Variants in AFF2 observed in about 807,000 individuals in gnomAD.
AFF2 encodes the protein AF4/FMR2 family member 2.
Under a neutral mutation model 76.9 loss-of-function variants are expected in AFF2, and 14 were observed. The observed-to-expected ratio is 0.18, with a 90% CI of 0.12 to 0.28. AFF2 has a LOEUF of 0.28. Ranked by LOEUF, AFF2 falls within the 10% of genes least tolerant of loss-of-function variation. The pLI is 1.00. For missense variants in AFF2, 868 were observed against 1,001.1 expected (o/e 0.87, Z 1.79); for synonymous variants, 398 against 366.7 (o/e 1.09, Z -0.98).
intron 9 of AFF2, among the ~76,000 whole-genome samples, chrX:148,923,230 G>A (rs781956670): frequency 1.9e-5 from 2 of 105,218 alleles, no homozygotes; most frequent in South Asian, 4.2e-4. Context: ...TTATGCCCCC[G>A]TGACAAATTT....
chrX:148,524,097 T>TTCTCTC (rs374800530), intron 1 of AFF2, among the ~76,000 whole-genome samples: 33 of 78,250 alleles, frequency 4.2e-4, no homozygotes, highest in Middle Eastern at 7.1e-3. Flanking sequence ...CTCTCTCTCT[T>TTCTCTC]TCTCTCTCTC....
chrX:148,813,205 A>G (rs1306894473), intron 4 of AFF2, among the ~76,000 whole-genome samples: 2 of 111,973 alleles, frequency 1.8e-5, no homozygotes, highest in African/African-American at 6.5e-5. Flanking sequence ...GGTATGTGGC[A>G]GAAGTAAAAT....
At chrX:148,725,090 G>T (rs1335688036) in intron 3 of AFF2, among the ~76,000 whole-genome samples, 1 of 111,079 alleles carries the variant, frequency 9.0e-6, no homozygotes, top group Non-Finnish European at 1.9e-5. Context: ...CCATAGGGTG[G>T]CATTTGACTC....
intron 1 of AFF2, among the ~76,000 whole-genome samples, chrX:148,612,181 A>G (rs1384915346): frequency 1.8e-5 from 2 of 111,915 alleles, no homozygotes; most frequent in Non-Finnish European, 3.8e-5. Context: ...GGTAAGCTAT[A>G]CACCATTTAT....
chrX:148,771,497 T>C (rs1326814957), intron 3 of AFF2, among the ~76,000 whole-genome samples: 1 of 112,479 alleles, frequency 8.9e-6, no homozygotes, highest in African/African-American at 3.2e-5. Flanking sequence ...TGGCCCCTGA[T>C]TTTTATATTG....
intron 3 of AFF2, among the ~76,000 whole-genome samples, chrX:148,689,624 A>C (rs782713292): frequency 1.8e-5 from 2 of 111,688 alleles, no homozygotes; most frequent in African/African-American, 6.5e-5. Flanking sequence ...TGTGTTCAGG[A>C]AATCAGAGTT....
chrX:148,724,697 T>A (rs2055134319), intron 3 of AFF2, among the ~76,000 whole-genome samples: 1 of 111,897 alleles, frequency 8.9e-6, no homozygotes, highest in Admixed American at 9.5e-5. Context: ...ATTCTCCAAA[T>A]CTTACAAGGG....
chrX:148,674,503 C>T (rs1274560140), intron 3 of AFF2, among the ~76,000 whole-genome samples: 3 of 111,997 alleles, frequency 2.7e-5, no homozygotes, highest in East Asian at 5.6e-4. Flanking sequence ...TAGAGGCTCT[C>T]CCAGGTCTAG....
intron 3 of AFF2, among the ~76,000 whole-genome samples, chrX:148,676,366 A>T (rs1186803832): frequency 1.8e-5 from 2 of 111,883 alleles, no homozygotes; most frequent in Non-Finnish European, 3.8e-5. Context: ...TTAAACTCTG[A>T]AAATATTATC....
chrX:148,746,628 C>A lies in AFF2; in HGVS notation c.1042-63248C>A, dbSNP rs189058536. On this transcript the variant is annotated intron_variant, in intron 3 of 20. Transcript: ENST00000370460. ...AGTCAGCATAGTAAGAAGCTAAGAA[C>A]ATTTTGTCAATTCTCCCATTCATTC... Among the ~76,000 whole-genome samples, 8 of 112,810 alleles carry A rather than the reference C, an allele frequency of 7.1e-5. No individual in the cohort carries two copies. The East Asian group carries it at 2.2e-3, about 32-fold the overall frequency.
At position 148,955,678 on chromosome X, in the gene AFF2, A is replaced by T; in HGVS notation, c.1633A>T (p.Ile545Phe). 8.3e-7 allele frequency: 1 copy of T among 1,211,553 alleles called. No individual in the cohort carries two copies. The highest frequency in any genetic ancestry group is 1.1e-6 in the Non-Finnish European group (1 of 895,444). Residue 545 changes from isoleucine (I) to phenylalanine (F), a missense_variant, in exon 11 of 21, where the codon ATT becomes TTT. By Grantham distance (21) the Ile-to-Phe change is conservative. Around this residue, in one of 6 missense-constraint regions of AFF2, gnomAD observed 532 missense variants for 564.2 expected, o/e 0.94. Coordinates refer to ENST00000370460, the MANE Select transcript of AFF2 (RefSeq NM_002025.4). Reference sequence around the variant, plus strand: ...AGTGACATCCCAGAACAAGTCTTTTATTTGTGGCCAAAATGAAACACCCAT... The same window carrying T: ...AGTGACATCCCAGAACAAGTCTTTTTTTTGTGGCCAAAATGAAACACCCAT... ...NKVTSQNKSF[I>F]CGQNETPMET...
intron 3 of AFF2, among the ~76,000 whole-genome samples, chrX:148,805,150 T>C (rs186036745): frequency 0.011 from 1,194 of 111,810 alleles, 13 homozygotes; most frequent in Non-Finnish European, 0.017. Flanking sequence ...AATGGGGAAG[T>C]TTGTTAATGA....
intron 19 of AFF2, among the ~76,000 whole-genome samples, chrX:148,985,295 T>TTTTTTTG (rs2072454748): frequency 1.7e-5 from 1 of 58,522 alleles, no homozygotes; most frequent in Non-Finnish European, 3.2e-5. Flanking sequence ...CTTTTTTTTT[T>TTTTTTTG]TTTTTTTTTT....
At chrX:148,802,620 G>A (rs182086713) in intron 3 of AFF2, among the ~76,000 whole-genome samples, 41 of 111,899 alleles carry the variant, frequency 3.7e-4, no homozygotes, top group Admixed American at 2.7e-3. Context: ...GCAGGCTGGC[G>A]AGTGAAGAAG....
At chrX:148,645,840 G>C (rs1433601830) in intron 1 of AFF2, among the ~76,000 whole-genome samples, 2 of 112,176 alleles carry the variant, frequency 1.8e-5, no homozygotes, top group Non-Finnish European at 3.8e-5. Flanking sequence ...TCTAATGGGA[G>C]ACTTAGAGAA....
intron 1 of AFF2, among the ~76,000 whole-genome samples, chrX:148,619,465 T>C (rs1429775886): frequency 1.8e-5 from 2 of 112,238 alleles, no homozygotes; most frequent in Non-Finnish European, 3.8e-5. Flanking sequence ...TCCAATGTAA[T>C]TGATGAACAT....
intron 1 of AFF2, among the ~76,000 whole-genome samples, chrX:148,605,424 A>G (rs1935982064): frequency 9.0e-6 from 1 of 111,530 alleles, no homozygotes; most frequent in East Asian, 2.8e-4. Context: ...AGATATAAAC[A>G]TGTATACATT....
At chrX:148,595,818 C>T (rs782514797) in intron 1 of AFF2, among the ~76,000 whole-genome samples, 3 of 111,898 alleles carry the variant, frequency 2.7e-5, no homozygotes, top group Non-Finnish European at 5.6e-5. Context: ...AGAAGGTCAA[C>T]TAAATGCTCA....
At chrX:148,556,163 G>C (rs950772929) in intron 1 of AFF2, among the ~76,000 whole-genome samples, 1 of 112,197 alleles carries the variant, frequency 8.9e-6, no homozygotes, top group Admixed American at 9.4e-5. Context: ...TTCTTCAAAA[G>C]CCGAAGATTT....
Sources: allele counts gnomAD v4.1 joint callset (sites outside exome capture counted in the v4.1 genomes callset), GRCh38; gene constraint gnomAD v4.1.1; regional missense constraint gnomAD v4.1.1; transcripts MANE v1.5; gene names NCBI Gene and HGNC (gene_info 2026-07-23, HGNC 2026-07-21).